MYH15: variants seen among roughly 807,000 people sequenced by gnomAD.
MYH15 encodes the protein myosin heavy chain 15.
Under a neutral mutation model 240.5 loss-of-function variants are expected in MYH15, and 227 were observed. The observed-to-expected ratio is 0.94, with a 90% CI of 0.85 to 1.05. The LOEUF is 1.05. Ranked by LOEUF, MYH15 falls within the 50% of genes least tolerant of loss-of-function variation. MYH15 has a pLI of 0.00. For synonymous variants in MYH15, 785 were observed against 796.7 expected (o/e 0.99, Z 0.25); for missense variants, 2,217 against 2,247.5 (o/e 0.99, Z 0.27).
chr3:108,421,017 AT>A, intron 28 of MYH15, 70 bp downstream of exon 28: 4 of 1,596,544 alleles, frequency 2.5e-6, no homozygotes, highest in Non-Finnish European at 3.4e-6. Context: ...GTAGTTCATT[AT>A]CTCAGTTGTG....
rs1441947582 is a variant in MYH15, at chr3:108,507,272, T to C, written c.89-1443A>G. Among the ~76,000 whole-genome samples, 348 of 73,800 alleles carry C rather than the reference T, an allele frequency of 4.7e-3. 8 individuals carry two copies. The highest frequency in any genetic ancestry group is 7.4e-3 in the Non-Finnish European group (236 of 31,828). The allele number at this position is 73,800 out of a possible 152,430, so 48.4% of individuals were successfully genotyped here. A position where few individuals can be genotyped will look rare whatever the true frequency, so the allele number is the denominator to read the frequency against. ...ATATATATATATATATATATATATA[T>C]ATATACACATATGAAAATGAGCCTT... On this transcript the variant is annotated intron_variant, in intron 1 of 40. Transcript: ENST00000693548.
chr3:108,468,892 C>T (rs1036540106), intron 14 of MYH15, among the ~76,000 whole-genome samples: 1 of 152,154 alleles, frequency 6.6e-6, no homozygotes, highest in Non-Finnish European at 1.5e-5. Flanking sequence ...TGAGGACCTC[C>T]AGTTCTTTTG....
intron 18 of MYH15, among the ~76,000 whole-genome samples, chr3:108,457,737 T>C (rs982725087): frequency 3.5e-4 from 53 of 152,188 alleles, no homozygotes; most frequent in African/African-American, 1.2e-3. Context: ...AGATGATGTA[T>C]AAGAAGGCAC....
chr3:108,447,817 G>A (rs2082940949), intron 21 of MYH15, among the ~76,000 whole-genome samples: 2 of 151,990 alleles, frequency 1.3e-5, no homozygotes, highest in African/African-American at 4.8e-5. Flanking sequence ...GTCAAATTCA[G>A]AATAATACTG....
chr3:108,406,686 C>A (rs1416168266), intron 32 of MYH15, among the ~76,000 whole-genome samples: 3 of 152,148 alleles, frequency 2.0e-5, no homozygotes, highest in Non-Finnish European at 1.5e-5. Context: ...CGCAATGTTA[C>A]AAATACATGT....
chr3:108,485,358 AT>A (rs773259222), intron 10 of MYH15, 129 bp from the exon 11 acceptor site: 2 of 1,022,700 alleles, frequency 2.0e-6, no homozygotes, highest in Non-Finnish European at 2.9e-6. Context: ...GTTCAAAGCA[AT>A]GCAAATCAGC....
At chr3:108,538,160 T>C in the MYH15 span, among the ~76,000 whole-genome samples, 1 of 152,192 alleles carries the variant, frequency 6.6e-6, no homozygotes, top group African/African-American at 2.4e-5. Flanking sequence ...CGTTGTGTAT[T>C]GTGTGGGATC....
intron 30 of MYH15, among the ~76,000 whole-genome samples, chr3:108,412,745 T>C (rs2082604068): frequency 6.6e-6 from 1 of 152,194 alleles, no homozygotes; most frequent in African/African-American, 2.4e-5. Flanking sequence ...AGCAGTACAA[T>C]GGGTCTTAGA....
intron 1 of MYH15, among the ~76,000 whole-genome samples, chr3:108,507,561 G>A (rs2083488321): frequency 6.6e-6 from 1 of 152,126 alleles, no homozygotes; most frequent in Admixed American, 6.5e-5. Context: ...GGGAAGGAGT[G>A]TGTACAAAGG....
chr3:108,429,136 G>C (rs1038484436), intron 26 of MYH15, among the ~76,000 whole-genome samples: 2 of 152,098 alleles, frequency 1.3e-5, no homozygotes, highest in African/African-American at 2.4e-5. Context: ...GGAAAGCTTA[G>C]TAAAGAGCAC....
intron 5 of MYH15, 68 bp downstream of exon 5, chr3:108,499,387 G>T: frequency 6.8e-7 from 1 of 1,478,312 alleles, no homozygotes; most frequent in South Asian, 1.2e-5. Flanking sequence ...TATTCCCAGT[G>T]AAATGGAGGT....
intron 1 of MYH15, among the ~76,000 whole-genome samples, chr3:108,524,460 A>T (rs751522229): frequency 2.0e-5 from 3 of 151,300 alleles, no homozygotes; most frequent in Non-Finnish European, 4.4e-5. Flanking sequence ...TGCTAATCCT[A>T]TGTCTTTTAT....
At chr3:108,518,793 G>A (rs1279864035) in intron 1 of MYH15, among the ~76,000 whole-genome samples, 6 of 152,144 alleles carry the variant, frequency 3.9e-5, no homozygotes, top group Non-Finnish European at 8.8e-5. Flanking sequence ...TCTACAAGAA[G>A]GTATTCTCTA....
chr3:108,486,431 C>G lies in MYH15; in HGVS notation c.967G>C (p.Ala323Pro). Residue 323 changes from alanine to proline, a missense_variant, in exon 10 of 41, where the codon GCC becomes CCC. Coordinates refer to ENST00000693548, the MANE Select transcript of MYH15 (RefSeq NM_014981.3). The part of the protein sequence containing the change: ...ESLDDAEELL[A>P]TEQAMDILGF... Reference sequence around the variant, plus strand: ...CAACTAACAAGCCTTACTTCTGTGGCCAGCAATTCTTCAGCATCATCCAAG... The same window carrying G: ...CAACTAACAAGCCTTACTTCTGTGGGCAGCAATTCTTCAGCATCATCCAAG... The G allele has an allele frequency of 1.9e-6, 3 of 1,608,844 alleles. No individual in the cohort carries two copies. The African/African-American group carries it at 4.0e-5, about 21-fold the overall frequency.
intron 25 of MYH15, among the ~76,000 whole-genome samples, chr3:108,436,981 C>A (rs1451037476): frequency 1.3e-5 from 2 of 152,036 alleles, no homozygotes; most frequent in African/African-American, 4.8e-5. Context: ...AGCCAAGTTG[C>A]CCTGAGTTCT....
chr3:108,403,868 GCTCTA>G (rs1000252845), intron 33 of MYH15, among the ~76,000 whole-genome samples: 1 of 151,794 alleles, frequency 6.6e-6, no homozygotes, highest in Non-Finnish European at 1.5e-5. Context: ...TTGGTGAACT[GCTCTA>G]CGACATTCAG....
chr3:108,469,685 T>C (rs2083154288), intron 14 of MYH15, among the ~76,000 whole-genome samples: 1 of 152,252 alleles, frequency 6.6e-6, no homozygotes, highest in Admixed American at 6.5e-5. Flanking sequence ...ATTCACCTTA[T>C]GTTAATCAGT....
At chr3:108,436,629 C>G (rs1017535738) in intron 25 of MYH15, among the ~76,000 whole-genome samples, 1 of 152,172 alleles carries the variant, frequency 6.6e-6, no homozygotes, top group Non-Finnish European at 1.5e-5. Context: ...ACCTCCGACT[C>G]CTGGGTTCAA....
At position 108,456,834 on chromosome 3, in the gene MYH15, G is replaced by A; in HGVS notation, c.2070C>T (p.Val690=). 1 of 1,613,466 alleles carries A rather than the reference G, an allele frequency of 6.2e-7. No homozygotes were observed. The highest frequency in any genetic ancestry group is 8.5e-7 in the Non-Finnish European group (1 of 1,179,758). ...LVLQQLRCNG[V]LEGTRICREG... Reference sequence around the variant, plus strand: ...CACGGCATATCCTAGTCCCTTCCAAGACACCATTACAGCGCAACTGCTGTA... The same window carrying A: ...CACGGCATATCCTAGTCCCTTCCAAAACACCATTACAGCGCAACTGCTGTA... Residue 690 remains valine (V), a synonymous_variant, in exon 19 of 41, where the codon GTC becomes GTT. Transcript: ENST00000693548.
Sources: gnomAD v4.1 joint callset for allele counts (sites outside exome capture counted in the v4.1 genomes callset) on GRCh38, gnomAD v4.1.1 for gene constraint, MANE v1.5 for transcripts, NCBI Gene and HGNC (gene_info 2026-07-23, HGNC 2026-07-21) for gene names.